The following CDC42BPG variants were observed in gnomAD, a reference collection of about 807,000 sequenced individuals.
CDC42BPG encodes serine/threonine-protein kinase MRCK gamma.
CDC42BPG carries 157 observed loss-of-function variants against 192.2 expected under a neutral mutation model. That is an observed-to-expected ratio of 0.82 (90% CI 0.72 to 0.93). CDC42BPG has a LOEUF of 0.93. Among genes scored for constraint, CDC42BPG ranks in the 40% least tolerant of loss-of-function variants. The probability of loss-of-function intolerance (pLI) is 0.00; values close to 1 mark genes in which losing one functional copy is unlikely to be tolerated. For synonymous variants in CDC42BPG, 981 were observed against 918.5 expected (o/e 1.07, Z -1.23); for missense variants, 1,992 against 2,122.1 (o/e 0.94, Z 1.20).
intron 36 of CDC42BPG, among the ~76,000 whole-genome samples, chr11:64,824,943 A>G (rs1274630359): frequency 7.3e-6 from 1 of 136,284 alleles, no homozygotes; most frequent in African/African-American, 2.9e-5. Context: ...TTTTTTGGAG[A>G]CAGAGTCTCG....
In CDC42BPG at chr11:64,829,576, T is replaced by G; in HGVS notation, c.3862A>C (p.Ser1288Arg). Residue 1288 changes from serine (S) to arginine (R), a missense_variant, in exon 30 of 37, where the codon AGC (serine) becomes CGC (arginine). Ser to Arg is a moderately radical substitution (Grantham distance 110). Transcript: ENST00000342711. Reference sequence around the variant, plus strand: ...GTGGTGAAGAGTAGCAGGAACTCGCTGAGGCTAAGCTCCACGGCACCCAGT... The same window carrying G: ...GTGGTGAAGAGTAGCAGGAACTCGCGGAGGCTAAGCTCCACGGCACCCAGT... ...EALGAVELSL[S>R]EFLLLFTTAG... 5 of 1,612,642 alleles carry G rather than the reference T, an allele frequency of 3.1e-6. No individual in the cohort carries two copies. Among genetic ancestry groups the G allele is most frequent in the Non-Finnish European group, 4.2e-6 (5 of 1,179,762 alleles).
rs766097534 is a variant in CDC42BPG, at chr11:64,823,963, G to C, written c.*510C>G. 6.5e-5 allele frequency: 11 copies of C among 168,680 alleles called. No individual in the cohort carries two copies. The highest frequency in any genetic ancestry group is 1.3e-4 in the Non-Finnish European group (10 of 78,158). 10.4% of individuals were successfully genotyped at this position (168,680 alleles called of 1,614,324 possible). Reference sequence around the variant, plus strand: ...TCCTATCCTGTCTCTCACCTCCTTCGCCTACATCCTTTCCCTCCTTCTCTA... The same window carrying C: ...TCCTATCCTGTCTCTCACCTCCTTCCCCTACATCCTTTCCCTCCTTCTCTA... On this transcript the variant is annotated 3_prime_UTR_variant, in exon 37 of 37. Transcript: ENST00000342711.
At chr11:64,833,435 C>T in intron 23 of CDC42BPG, 99 bp from the exon 24 acceptor site, 1 of 945,458 alleles carries the variant, frequency 1.1e-6, no homozygotes, top group Non-Finnish European at 1.6e-6. Context: ...GCAACAGTGA[C>T]CTCCGAGTCC....
In CDC42BPG at chr11:64,834,497, C is replaced by A; in HGVS notation, c.2256G>T (p.Glu752Asp). The A allele has an allele frequency of 6.3e-7, 1 of 1,576,158 alleles. No homozygotes were observed. The highest frequency in any genetic ancestry group is 1.8e-5 in the Admixed American group (1 of 56,574). Residue 752 changes from glutamate (E) to aspartate (D), a missense_variant, in exon 19 of 37, where the codon GAG becomes GAT. This residue lies in a region of CDC42BPG where 1,656 missense variants were observed against 1,844.3 expected (regional missense o/e 0.90). Coordinates refer to ENST00000342711, the MANE Select transcript of CDC42BPG (RefSeq NM_017525.3). ...CCTGCAGGCCCTGCTTGGCGCGGAT[C>A]TCGGCCTCCAGCGCTGACTGCAGCT... Reference protein sequence around the residue: ...RLELQSALEAEIRAKQGLQER... With the variant: ...RLELQSALEADIRAKQGLQER...
Position 64,839,150 on chromosome 11 carries a change from G to A in CDC42BPG, c.759C>T (p.Tyr253=), listed in dbSNP as rs770679398. The A allele has an allele frequency of 7.1e-5, 114 of 1,613,522 alleles. No homozygotes were observed. Among genetic ancestry groups the A allele is most frequent in the East Asian group, 3.1e-4 (14 of 44,892 alleles). ...GCGACCACCAGTCACACTGTGGGCC[G>A]TAGTGGCCCTTGCCCTCCTCCATGG... The part of the protein sequence containing the change: ...LQAMEEGKGH[Y]GPQCDWWSLG... Residue 253 remains tyrosine (Y), a synonymous_variant, in exon 7 of 37, where the codon TAC becomes TAT. Coordinates refer to ENST00000342711, the MANE Select transcript of CDC42BPG (RefSeq NM_017525.3).
rs747982399 is a variant in CDC42BPG, at chr11:64,830,032, G to C, written c.3406C>G (p.Leu1136Val). The change falls in exon 30 of 37, where the codon CTG becomes GTG. Residue 1136 changes from leucine (L) to valine (V), a missense_variant. Leu to Val is a conservative substitution (Grantham distance 32). Transcript: ENST00000342711. Reference sequence around the variant, plus strand: ...AGGCCTGCACTGGGGCTCAAGGTCAGCTGCTGCACGCGCCGGCACTCCCCC... The same window carrying C: ...AGGCCTGCACTGGGGCTCAAGGTCACCTGCTGCACGCGCCGGCACTCCCCC... ...QVGECRRVQQ[L>V]TLSPSAGLLV... 7.4e-6 allele frequency: 12 copies of C among 1,612,512 alleles called. No individual in the cohort carries two copies. The highest frequency in any genetic ancestry group is 9.3e-6 in the Non-Finnish European group (11 of 1,179,342).
intron 8 of CDC42BPG, among the ~76,000 whole-genome samples, 159 bp from the exon 9 acceptor site, chr11:64,838,321 T>C (rs956735820): frequency 2.0e-5 from 3 of 152,084 alleles, no homozygotes; most frequent in Non-Finnish European, 2.9e-5. Context: ...CTCCCACAAG[T>C]CTCCTAGGAG....
At chr11:64,840,301 G>T (rs1415985927) in intron 4 of CDC42BPG, 33 bp from the exon 5 acceptor site, 9 of 1,601,686 alleles carry the variant, frequency 5.6e-6, no homozygotes, top group Non-Finnish European at 7.7e-6. Flanking sequence ...AGACCCGGGG[G>T]AAGGGTGCAC....
intron 26 of CDC42BPG, 38 bp downstream of exon 26, chr11:64,832,566 C>G: frequency 6.2e-7 from 1 of 1,614,014 alleles, no homozygotes; most frequent in Non-Finnish European, 8.5e-7. Flanking sequence ...CCCCCCTTAC[C>G]ACTAGTCCCT....
chr11:64,841,847 A>G lies in CDC42BPG; in HGVS notation c.218T>C (p.Ile73Thr), dbSNP rs1312469290. The change falls in exon 2 of 37, where the codon ATC (isoleucine) becomes ACC (threonine). Residue 73 changes from isoleucine to threonine, a missense_variant. Ile to Thr is a moderately conservative substitution (Grantham distance 89). Around this residue, in one of 2 missense-constraint regions of CDC42BPG, gnomAD observed 1,656 missense variants for 1,844.3 expected, o/e 0.90. Transcript: ENST00000342711. ...GGCTCCTCGGCCGATCACCTTCAAG[A>G]TCTCAAAGTCATCTCTCTGCAGACG... ...ELRLQRDDFE[I>T]LKVIGRGAFG... 9 of 1,613,968 alleles carry G rather than the reference A, an allele frequency of 5.6e-6. No homozygotes were observed. The highest frequency in any genetic ancestry group is 3.3e-4 in the Middle Eastern group (2 of 6,060).
rs1240790220 is a variant in CDC42BPG at position 64,841,679 on chromosome 11, G to A, written c.307C>T (p.His103Tyr). 2.5e-6 allele frequency: 4 copies of A among 1,613,448 alleles called. No individual in the cohort carries two copies. The highest frequency in any genetic ancestry group is 3.4e-6 in the Non-Finnish European group (4 of 1,179,922). ...GCCCTCTTCAGCATCTCCCACTTGT[G>A]CAGCATTTTCATGGCAAAAATCTGC... ...TGQIFAMKML[H>Y]KWEMLKRAET... is the part of the protein sequence containing the mutation. Residue 103 changes from histidine (H) to tyrosine (Y), a missense_variant, in exon 3 of 37, where the codon CAC becomes TAC. By Grantham distance (83) the His-to-Tyr change is moderately conservative. Around this residue, in one of 2 missense-constraint regions of CDC42BPG, gnomAD observed 1,656 missense variants for 1,844.3 expected, o/e 0.90. Coordinates refer to ENST00000342711, the MANE Select transcript of CDC42BPG (RefSeq NM_017525.3).
In CDC42BPG at chr11:64,836,214, T is replaced by C. The variant is rs751569403; in HGVS notation, c.1571A>G (p.Gln524Arg). The C allele has an allele frequency of 3.7e-6, 6 of 1,600,300 alleles. No homozygotes were observed. The highest frequency in any genetic ancestry group is 1.7e-5 in the Admixed American group (1 of 58,092). ...RAQGQQEELL[Q>R]RLQEAQEREA... ...TCTCTCCTGGGCCTCCTGTAGCCTC[T>C]GAAGCAGCTCCTCCTGCTGCCCCTG... The change falls in exon 13 of 37, where the codon CAG (glutamine) becomes CGG (arginine). Residue 524 changes from glutamine (Q) to arginine (R), a missense_variant. Physicochemically the swap from Gln to Arg is conservative, Grantham distance 43. Coordinates refer to ENST00000342711, the MANE Select transcript of CDC42BPG (RefSeq NM_017525.3).
At chr11:64,841,613 G>C in intron 3 of CDC42BPG, 37 bp downstream of exon 3, 1 of 1,546,380 alleles carries the variant, frequency 6.5e-7, no homozygotes, top group Non-Finnish European at 8.9e-7. Context: ...ACACCCATTT[G>C]TAGGGTGCCC....
Position 64,844,578 on chromosome 11 carries a change from C to T in CDC42BPG, c.-9G>A, listed in dbSNP as rs2136445532. 1 of 1,263,904 alleles carries T rather than the reference C, an allele frequency of 7.9e-7. No individual in the cohort carries two copies. Among genetic ancestry groups the T allele is most frequent in the Non-Finnish European group, 9.9e-7 (1 of 1,005,076 alleles). 78.3% of individuals were successfully genotyped at this position (1,263,904 alleles called of 1,614,324 possible). A position where few individuals can be genotyped will look rare whatever the true frequency, so the allele number is the denominator to read the frequency against. Reference sequence around the variant, plus strand: ...CGCAGCCGCCGCTCCATGGCTGCGGCCGGAGCCTCGCTGCTCGGCTACAGT... The same window carrying T: ...CGCAGCCGCCGCTCCATGGCTGCGGTCGGAGCCTCGCTGCTCGGCTACAGT... On this transcript the variant is annotated 5_prime_UTR_variant, in exon 1 of 37. Coordinates refer to ENST00000342711, the MANE Select transcript of CDC42BPG (RefSeq NM_017525.3).
At chr11:64,824,927 GTT>G (rs746454149) in intron 36 of CDC42BPG, among the ~76,000 whole-genome samples, 1 of 131,768 alleles carries the variant, frequency 7.6e-6, no homozygotes. Context: ...TTTGTTTTTC[GTT>G]TTTTTTTTTG....
In CDC42BPG at chr11:64,833,596, T is replaced by G; in HGVS notation, c.2625+4A>C. 1 of 1,607,566 alleles carries G rather than the reference T, an allele frequency of 6.2e-7. No individual in the cohort carries two copies. ...CCACCCTGCTTGCCCCTCTGGGCAC[T>G]GACCTTAGCAGGAAGACCTTCTGTA... On this transcript the variant is annotated splice_donor_region_variant and intron_variant, in intron 23 of 36. Transcript: ENST00000342711.
chr11:64,824,399 T>C lies in CDC42BPG; in HGVS notation c.*74A>G. Reference sequence around the variant, plus strand: ...TTTCCATGTCCCGGACCAGCCGGAGTATGGCATTCCTCAAGCTCTTTGCTC... The same window carrying C: ...TTTCCATGTCCCGGACCAGCCGGAGCATGGCATTCCTCAAGCTCTTTGCTC... On this transcript the variant is annotated 3_prime_UTR_variant, in exon 37 of 37. Transcript: ENST00000342711. The C allele has an allele frequency of 3.8e-6, 4 of 1,042,234 alleles. No individual in the cohort carries two copies. Among genetic ancestry groups the C allele is most frequent in the Non-Finnish European group, 6.1e-6 (4 of 656,432 alleles). 64.6% of individuals were successfully genotyped at this position (1,042,234 alleles called of 1,614,324 possible).
rs138240714 is a variant in CDC42BPG at position 64,839,192 on chromosome 11, G to A, written c.717C>T (p.Ser239=). 1.1e-5 allele frequency: 18 copies of A among 1,613,208 alleles called. No homozygotes were observed. The highest frequency in any genetic ancestry group is 1.1e-4 in the East Asian group (5 of 44,896). ...SVAVGTPDYI[S]PEILQAMEEG... is the part of the protein sequence containing the mutation. Reference sequence around the variant, plus strand: ...CCTCCATGGCCTGCAGGATCTCAGGGGAGATATAGTCCGGCGTCCCTACTG... The same window carrying A: ...CCTCCATGGCCTGCAGGATCTCAGGAGAGATATAGTCCGGCGTCCCTACTG... The change falls in exon 7 of 37, where the codon TCC becomes TCT. Residue 239 remains serine (S), a synonymous_variant. Coordinates refer to ENST00000342711, the MANE Select transcript of CDC42BPG (RefSeq NM_017525.3).
In CDC42BPG at chr11:64,839,506, G is replaced by A; in HGVS notation, c.647C>T (p.Ser216Phe). ...NGHIRLADFG[S>F]CLRLNTNGMV... ...GCCGTTGGTGTTGAGACGCAGGCAG[G>A]AGCCGAAGTCAGCCAGGCGAATGTG... Residue 216 changes from serine to phenylalanine, a missense_variant, in exon 6 of 37, where the codon TCC becomes TTC. Ser to Phe is a radical substitution (Grantham distance 155). This residue lies in a region of CDC42BPG where 1,656 missense variants were observed against 1,844.3 expected (regional missense o/e 0.90). Coordinates refer to ENST00000342711, the MANE Select transcript of CDC42BPG (RefSeq NM_017525.3). The A allele has an allele frequency of 1.2e-6, 2 of 1,613,250 alleles. No homozygotes were observed. The highest frequency in any genetic ancestry group is 1.1e-5 in the South Asian group (1 of 91,090).
Sources: allele counts gnomAD v4.1 joint callset (sites outside exome capture counted in the v4.1 genomes callset), GRCh38; gene constraint gnomAD v4.1.1; regional missense constraint gnomAD v4.1.1; transcripts MANE v1.5; gene names NCBI Gene and HGNC (gene_info 2026-07-23, HGNC 2026-07-21).